SMOC2: variants seen among roughly 807,000 people sequenced by gnomAD.
The protein encoded by SMOC2 is SPARC related modular calcium binding 2.
SMOC2 carries 39 observed loss-of-function variants against 61.4 expected under a neutral mutation model. That is an observed-to-expected ratio of 0.64 (90% CI 0.49 to 0.83). SMOC2 has a LOEUF of 0.83. SMOC2 is among the 40% of genes least tolerant of loss of function. The pLI is 0.00. For missense variants in SMOC2, 556 were observed against 592.9 expected (o/e 0.94, Z 0.65); for synonymous variants, 247 against 239.9 (o/e 1.03, Z -0.27).
At chr6:168,575,420 T>C (rs1356270729) in intron 7 of SMOC2, among the ~76,000 whole-genome samples, 1 of 152,154 alleles carries the variant, frequency 6.6e-6, no homozygotes, top group Non-Finnish European at 1.5e-5. Flanking sequence ...AATGCATAGA[T>C]AGCGCTTTAC....
intron 9 of SMOC2, among the ~76,000 whole-genome samples, chr6:168,612,264 G>A (rs35651312): frequency 0.041 from 3,900 of 94,698 alleles, 183 homozygotes; most frequent in East Asian, 0.043. Flanking sequence ...CGCTGGGTTC[G>A]TGATCTCCAT....
At chr6:168,571,434 C>T (rs979629899) in intron 7 of SMOC2, among the ~76,000 whole-genome samples, 13 of 152,166 alleles carry the variant, frequency 8.5e-5, no homozygotes, top group African/African-American at 2.9e-4. Flanking sequence ...ATGCAGCCTC[C>T]GAGCCAGACG....
intron 8 of SMOC2, among the ~76,000 whole-genome samples, chr6:168,603,301 A>G (rs1785604527): frequency 7.2e-6 from 1 of 139,808 alleles, no homozygotes; most frequent in South Asian, 2.3e-4. Context: ...TCTTCACAGC[A>G]GCATGAGAAC....
intron 7 of SMOC2, among the ~76,000 whole-genome samples, chr6:168,568,890 T>A (rs1784605238): frequency 6.6e-6 from 1 of 152,252 alleles, no homozygotes; most frequent in African/African-American, 2.4e-5. Context: ...TGATCACTCA[T>A]ATCTTCTTAG....
At chr6:168,533,825 C>T (rs547328241) in intron 4 of SMOC2, among the ~76,000 whole-genome samples, 1 of 152,224 alleles carries the variant, frequency 6.6e-6, no homozygotes, top group African/African-American at 2.4e-5. Context: ...AACAAACAAC[C>T]TTAAGGAGAA....
chr6:168,449,303 A>G (rs569973159), intron 1 of SMOC2, among the ~76,000 whole-genome samples: 51 of 152,352 alleles, frequency 3.3e-4, no homozygotes, highest in Non-Finnish European at 5.7e-4. Context: ...CCTCACATTT[A>G]TAGCGGTCAC....
At chr6:168,605,903 T>C (rs1785674481) in intron 8 of SMOC2, among the ~76,000 whole-genome samples, 1 of 152,198 alleles carries the variant, frequency 6.6e-6, no homozygotes, top group African/African-American at 2.4e-5. Flanking sequence ...CCTCAGAGTC[T>C]ACGTCATCCA....
At chr6:168,462,356 T>C (rs1244524166) in intron 1 of SMOC2, among the ~76,000 whole-genome samples, 1 of 152,218 alleles carries the variant, frequency 6.6e-6, no homozygotes, top group African/African-American at 2.4e-5. Flanking sequence ...AAACATGTCC[T>C]TGTTGGAACT....
chr6:168,613,092 T>C (rs2115213135), intron 9 of SMOC2, among the ~76,000 whole-genome samples: 1 of 152,306 alleles, frequency 6.6e-6, no homozygotes, highest in Non-Finnish European at 1.5e-5. Flanking sequence ...TGGGCGTTGC[T>C]TCATTTCAGT....
rs776824374 is a variant in SMOC2 at position 168,608,253 on chromosome 6, G to A, written c.907+14G>A. The A allele has an allele frequency of 8.7e-6, 14 of 1,608,652 alleles. No individual in the cohort carries two copies. The highest frequency in any genetic ancestry group is 5.3e-5 in the African/African-American group (4 of 74,858). On this transcript the variant is annotated intron_variant, in intron 9 of 12. Coordinates refer to ENST00000356284, the MANE Select transcript of SMOC2 (RefSeq NM_001166412.2). ...GCCAGCTACAAGGTGAGCAGCACCCGCGAGTGTGGCCCGAATCCACAGGCC... is the reference window on the plus strand; with the variant it reads ...GCCAGCTACAAGGTGAGCAGCACCCACGAGTGTGGCCCGAATCCACAGGCC...
intron 7 of SMOC2, among the ~76,000 whole-genome samples, chr6:168,575,834 C>CGTTTCAAAAACATCTTAAAACCAAAG: frequency 6.6e-6 from 1 of 151,026 alleles, no homozygotes; most frequent in African/African-American, 2.5e-5. Flanking sequence ...AGATGACCGA[C>CGTTTCAAAAACATCTTAAAACCAAAG]TTCCTTGATC....
chr6:168,604,356 C>G (rs1785632942), intron 8 of SMOC2, among the ~76,000 whole-genome samples: 1 of 152,184 alleles, frequency 6.6e-6, no homozygotes, highest in Admixed American at 6.5e-5. Context: ...TTGGTTTACA[C>G]TGGTTTGAAT....
Position 168,614,426 on chromosome 6 carries a change from A to G in SMOC2, c.907+6187A>G, listed in dbSNP as rs1473099203. On this transcript the variant is annotated intron_variant, in intron 9 of 12. Transcript: ENST00000356284. ...GGGCCTCTTTATACCTACAGCCAGC[A>G]CAGGGCCTCTTCACACCTACAGCCA... is the stretch of plus-strand genomic sequence containing the variant. 1.0e-4 allele frequency among the ~76,000 whole-genome samples: 9 copies of G among 87,426 alleles called. No individual in the cohort carries two copies. In the East Asian group the frequency reaches 2.1e-3, roughly 21 times the overall value. The allele number at this position is 87,426 out of a possible 152,430, so 57.4% of individuals were successfully genotyped here.
At chr6:168,466,502 G>A (rs936659628) in intron 1 of SMOC2, among the ~76,000 whole-genome samples, 1 of 152,244 alleles carries the variant, frequency 6.6e-6, no homozygotes, top group Admixed American at 6.5e-5. Flanking sequence ...GGCAGCATTG[G>A]AGGGGGCATT....
intron 4 of SMOC2, among the ~76,000 whole-genome samples, chr6:168,537,707 C>T (rs1783765835): frequency 6.6e-6 from 1 of 152,202 alleles, no homozygotes; most frequent in Non-Finnish European, 1.5e-5. Context: ...AGACATATGC[C>T]CTCGGTCCTC....
intron 4 of SMOC2, among the ~76,000 whole-genome samples, chr6:168,529,292 T>C (rs941591298): frequency 6.6e-5 from 10 of 152,292 alleles, no homozygotes; most frequent in African/African-American, 2.4e-4. Flanking sequence ...TATAGAAGTC[T>C]GGTGTTTATT....
chr6:168,662,300 G>A (rs59732439), intron 11 of SMOC2, among the ~76,000 whole-genome samples: 4,621 of 152,328 alleles, frequency 0.03, 257 homozygotes, highest in African/African-American at 0.1. Context: ...GGGGTTGCTT[G>A]TGGAGGAGGC....
chr6:168,622,659 G>A (rs1056794447), intron 9 of SMOC2, among the ~76,000 whole-genome samples: 11 of 152,118 alleles, frequency 7.2e-5, no homozygotes, highest in South Asian at 6.2e-4. Flanking sequence ...CAAGAGCAGG[G>A]CTGCCTGTCT....
At chr6:168,611,968 C>T (rs1785883195) in intron 9 of SMOC2, among the ~76,000 whole-genome samples, 1 of 152,172 alleles carries the variant, frequency 6.6e-6, no homozygotes. Flanking sequence ...CTCACAGGGT[C>T]CCTGGGGAGG....
Sources: gnomAD v4.1 joint callset for allele counts (sites outside exome capture counted in the v4.1 genomes callset) on GRCh38, gnomAD v4.1.1 for gene constraint, MANE v1.5 for transcripts, NCBI Gene and HGNC (gene_info 2026-07-23, HGNC 2026-07-21) for gene names.